Variants in NIBAN1 observed in about 807,000 individuals in gnomAD.
The protein encoded by NIBAN1 is niban apoptosis regulator 1.
NIBAN1 carries 81 observed loss-of-function variants against 75.1 expected under a neutral mutation model. The observed-to-expected ratio is 1.08, with a 90% confidence interval of 0.90 to 1.30. NIBAN1 has a LOEUF of 1.30. NIBAN1 is among the 50% of genes most tolerant of loss of function. The pLI is 0.00. For synonymous variants in NIBAN1, 436 were observed against 424.8 expected, an observed-to-expected ratio of 1.03 and a Z score of -0.32; for missense variants, 1,133 against 1,128.1, an observed-to-expected ratio of 1.00 and a Z score of -0.06.
intron 5 of NIBAN1, among the ~76,000 whole-genome samples, chr1:184,878,761 A>G (rs1656299084): frequency 6.6e-6 from 1 of 152,232 alleles, no homozygotes; most frequent in Non-Finnish European, 1.5e-5. Context: ...AGACAACATG[A>G]TATCTACAAC....
chr1:184,906,288 T>G (rs1535181), intron 1 of NIBAN1, among the ~76,000 whole-genome samples: 1 of 136,530 alleles, frequency 7.3e-6, no homozygotes, highest in Non-Finnish European at 1.6e-5. Flanking sequence ...CACACACACA[T>G]GCACACACAC....
At chr1:184,865,636 G>A (rs1362937517) in intron 5 of NIBAN1, among the ~76,000 whole-genome samples, 1 of 152,032 alleles carries the variant, frequency 6.6e-6, no homozygotes, top group Non-Finnish European at 1.5e-5. Context: ...AAAAAGAAAG[G>A]ATGCTTAATG....
intron 12 of NIBAN1, among the ~76,000 whole-genome samples, chr1:184,801,760 C>T (rs1298466044): frequency 6.6e-6 from 1 of 152,168 alleles, no homozygotes; most frequent in East Asian, 1.9e-4. Flanking sequence ...ACATGTGATA[C>T]AAATCTAATA....
intron 8 of NIBAN1, 35 bp from the exon 9 acceptor site, chr1:184,818,860 T>C (rs756334129): frequency 3.2e-6 from 5 of 1,545,218 alleles, no homozygotes; most frequent in Admixed American, 3.7e-5. Context: ...CCGTGACATA[T>C]GGCAAAACTG....
intron 1 of NIBAN1, among the ~76,000 whole-genome samples, chr1:184,938,212 T>G (rs1189380888): frequency 6.6e-6 from 1 of 152,162 alleles, no homozygotes; most frequent in African/African-American, 2.4e-5. Context: ...TCAGTTACAA[T>G]TTGATATATA....
chr1:184,882,477 A>G (rs887176582), intron 5 of NIBAN1, among the ~76,000 whole-genome samples: 3 of 152,346 alleles, frequency 2.0e-5, no homozygotes, highest in South Asian at 2.1e-4. Context: ...AGTTATGCCA[A>G]ATTAAGTCCA....
At chr1:184,961,427 T>A (rs1293735759) in intron 1 of NIBAN1, among the ~76,000 whole-genome samples, 2 of 152,166 alleles carry the variant, frequency 1.3e-5, no homozygotes, top group African/African-American at 4.8e-5. Context: ...AGATAGCAAC[T>A]TATTATCCTT....
intron 1 of NIBAN1, among the ~76,000 whole-genome samples, chr1:184,944,066 T>C (rs1377775380): frequency 6.6e-6 from 1 of 152,222 alleles, no homozygotes; most frequent in African/African-American, 2.4e-5. Context: ...ATTGCTGTCT[T>C]TGTGTACATG....
At chr1:184,825,021 C>G (rs1430380643) in intron 6 of NIBAN1, among the ~76,000 whole-genome samples, 1 of 152,188 alleles carries the variant, frequency 6.6e-6, no homozygotes, top group African/African-American at 2.4e-5. Context: ...AACCCAGAGA[C>G]CTGTTGGGAC....
intron 1 of NIBAN1, among the ~76,000 whole-genome samples, chr1:184,946,934 G>A (rs147127216): frequency 0.021 from 3,158 of 152,112 alleles, 98 homozygotes; most frequent in African/African-American, 0.071. Flanking sequence ...TTAGCTGGGC[G>A]TGGTGGTGCA....
chr1:184,883,967 T>C (rs1381618326), intron 5 of NIBAN1, among the ~76,000 whole-genome samples: 1 of 152,230 alleles, frequency 6.6e-6, no homozygotes, highest in Non-Finnish European at 1.5e-5. Context: ...ATGTTCTTGC[T>C]GGCATTTAGA....
intron 1 of NIBAN1, among the ~76,000 whole-genome samples, chr1:184,950,224 T>C (rs1229587132): frequency 6.6e-6 from 1 of 152,156 alleles, no homozygotes; most frequent in Non-Finnish European, 1.5e-5. Flanking sequence ...ATGGTCTCTA[T>C]TATCTTAACG....
chr1:184,828,905 T>G (rs1317720457), intron 6 of NIBAN1, among the ~76,000 whole-genome samples: 1 of 152,110 alleles, frequency 6.6e-6, no homozygotes, highest in Non-Finnish European at 1.5e-5. Flanking sequence ...CAAATGATCC[T>G]ACTGTCTTGG....
chr1:184,818,847 A>G (rs774719770), intron 8 of NIBAN1, 22 bp from the exon 9 acceptor site: 3 of 1,561,190 alleles, frequency 1.9e-6, no homozygotes, highest in Non-Finnish European at 2.6e-6. Context: ...AATAGCCAAA[A>G]AACCGTGACA....
chr1:184,885,584 A>G (rs2101970912), intron 4 of NIBAN1, among the ~76,000 whole-genome samples: 1 of 151,910 alleles, frequency 6.6e-6, no homozygotes, highest in Middle Eastern at 3.4e-3. Context: ...CCCTCACTCT[A>G]CTGGCCCTGC....
intron 1 of NIBAN1, among the ~76,000 whole-genome samples, chr1:184,910,273 T>C (rs1211017599): frequency 6.6e-6 from 1 of 152,174 alleles, no homozygotes; most frequent in African/African-American, 2.4e-5. Context: ...CTTGAGTTCA[T>C]TTGGATGGTA....
intron 11 of NIBAN1, among the ~76,000 whole-genome samples, chr1:184,805,083 C>T (rs1394178924): frequency 2.0e-5 from 3 of 152,172 alleles, no homozygotes; most frequent in East Asian, 1.9e-4. Context: ...CCACTGTGCC[C>T]GGCCCCAATA....
At chr1:184,950,883 A>C (rs975632080) in intron 1 of NIBAN1, among the ~76,000 whole-genome samples, 1 of 152,234 alleles carries the variant, frequency 6.6e-6, no homozygotes, top group Non-Finnish European at 1.5e-5. Flanking sequence ...CAGAAGTAAA[A>C]TATATTGTGA....
At chr1:184,843,728 A>G (rs1464463476) in intron 5 of NIBAN1, among the ~76,000 whole-genome samples, 3 of 152,222 alleles carry the variant, frequency 2.0e-5, no homozygotes, top group African/African-American at 7.2e-5. Flanking sequence ...ATAATTATTT[A>G]TGGAGATGCT....
Sources: gnomAD v4.1 joint callset for allele counts (sites outside exome capture counted in the v4.1 genomes callset) on GRCh38, gnomAD v4.1.1 for gene constraint, MANE v1.5 for transcripts, NCBI Gene and HGNC (gene_info 2026-07-23, HGNC 2026-07-21) for gene names.